Variants in CACNA1C observed in about 807,000 individuals in gnomAD.
CACNA1C encodes voltage-dependent L-type calcium channel subunit alpha-1C.
Under a neutral mutation model 229.0 loss-of-function variants are expected in CACNA1C, and 30 were observed. The ratio of observed to expected loss-of-function variants is 0.13; its 90% confidence interval spans 0.10 to 0.18. CACNA1C has a LOEUF of 0.18. Ranked by LOEUF, CACNA1C falls within the 10% of genes least tolerant of loss-of-function variation. The pLI is 1.00. For synonymous variants in CACNA1C, 1,114 were observed against 1,132.5 expected, an observed-to-expected ratio of 0.98 and a Z score of 0.33; for missense variants, 1,658 against 2,845.0, an observed-to-expected ratio of 0.58 and a Z score of 9.49.
At chr12:2,231,944 T>C (rs191755195) in intron 3 of CACNA1C, among the ~76,000 whole-genome samples, 1 of 152,342 alleles carries the variant, frequency 6.6e-6, no homozygotes, top group East Asian at 1.9e-4. Context: ...TATTTTGAAA[T>C]AATTTTAGGC....
intron 3 of CACNA1C, among the ~76,000 whole-genome samples, chr12:2,276,824 G>A (rs1391962735): frequency 6.6e-6 from 1 of 152,162 alleles, no homozygotes; most frequent in East Asian, 1.9e-4. Context: ...GACGGAGGGT[G>A]GGGTAGCGGG....
intron 30 of CACNA1C, among the ~76,000 whole-genome samples, chr12:2,648,042 G>A (rs1424049236): frequency 1.3e-5 from 2 of 152,172 alleles, no homozygotes; most frequent in Non-Finnish European, 1.5e-5. Context: ...GGAGGCTGAT[G>A]TGGGAGGATC....
At chr12:2,576,518 T>G (rs2058447626) in intron 13 of CACNA1C, among the ~76,000 whole-genome samples, 1 of 152,168 alleles carries the variant, frequency 6.6e-6, no homozygotes, top group Non-Finnish European at 1.5e-5. Flanking sequence ...GCCTTTTTGG[T>G]GTGTGAGCGT....
chr12:2,677,711 C>T lies in CACNA1C; in HGVS notation c.4957-22C>T, dbSNP rs1333475357. The T allele has an allele frequency of 6.2e-7, 1 of 1,609,222 alleles. No individual in the cohort carries two copies. The highest frequency in any genetic ancestry group is 8.5e-7 in the Non-Finnish European group (1 of 1,178,132). ...TGGAGGAAAGGGAGCGTGGTCCTCA[C>T]CATCCTCCCCTTGGATTCCAGGCTG... On this transcript the variant is annotated intron_variant, in intron 40 of 46. Coordinates refer to ENST00000399655, the MANE Select transcript of CACNA1C (RefSeq NM_000719.7). This position sits in a 1 kb window ranked among gnomAD's most constrained non-coding sequence, Gnocchi z 7.4.
chr12:2,084,132 A>G (rs1443466828), intron 1 of CACNA1C, among the ~76,000 whole-genome samples: 1 of 152,206 alleles, frequency 6.6e-6, no homozygotes, highest in Non-Finnish European at 1.5e-5. Context: ...CACATAGTCA[A>G]ATTTGAAAAG....
intron 8 of CACNA1C, among the ~76,000 whole-genome samples, chr12:2,507,707 G>A (rs1447625211): frequency 1.3e-5 from 2 of 152,228 alleles, no homozygotes; most frequent in Non-Finnish European, 2.9e-5. Flanking sequence ...CAGTGAGCTG[G>A]TGCTATTCCT....
At position 2,474,748 on chromosome 12, in the gene CACNA1C, C is replaced by A. The variant is rs538907029; in HGVS notation, c.758-11356C>A. 1.3e-4 allele frequency among the ~76,000 whole-genome samples: 18 copies of A among 134,920 alleles called. 1 individual carries two copies. In the South Asian group the frequency reaches 4.6e-3, roughly 34 times the overall value. 88.5% of individuals were successfully genotyped at this position (134,920 alleles called of 152,430 possible). A position where few individuals can be genotyped will look rare whatever the true frequency, so the allele number is the denominator to read the frequency against. On this transcript the variant is annotated intron_variant, in intron 5 of 46. Transcript: ENST00000399655. Reference sequence around the variant, plus strand: ...TCCAGCCTGGGCAACAACAGCGAAACTCCATCTCAAAAAAAAAAAAAAAAG... The same window carrying A: ...TCCAGCCTGGGCAACAACAGCGAAAATCCATCTCAAAAAAAAAAAAAAAAG...
intron 1 of CACNA1C, among the ~76,000 whole-genome samples, chr12:2,003,031 C>T (rs1486686991): frequency 6.6e-6 from 1 of 152,212 alleles, no homozygotes; most frequent in Non-Finnish European, 1.5e-5. Flanking sequence ...AAGAGCTCTT[C>T]CTGTTCTCCT....
At chr12:2,478,832 G>T (rs1273648806) in intron 5 of CACNA1C, among the ~76,000 whole-genome samples, 1 of 152,130 alleles carries the variant, frequency 6.6e-6, no homozygotes, top group Non-Finnish European at 1.5e-5. Flanking sequence ...AATCAGCAGG[G>T]TGCTTCATAG....
intron 7 of CACNA1C, among the ~76,000 whole-genome samples, chr12:2,499,480 A>G (rs1028908256): frequency 5.9e-5 from 9 of 152,202 alleles, no homozygotes; most frequent in Non-Finnish European, 1.2e-4. Flanking sequence ...GGGCTAGGGA[A>G]GCTTATTCCC....
At chr12:2,117,500 C>G (rs1284726992) in intron 2 of CACNA1C, among the ~76,000 whole-genome samples, 1 of 152,198 alleles carries the variant, frequency 6.6e-6, no homozygotes, top group Non-Finnish European at 1.5e-5. Context: ...AGGTCAGGCA[C>G]CCCTGAGAGA....
chr12:2,441,400 A>G (rs902269697), intron 3 of CACNA1C, among the ~76,000 whole-genome samples: 1 of 152,180 alleles, frequency 6.6e-6, no homozygotes, highest in African/African-American at 2.4e-5. Flanking sequence ...GCTCACAAGG[A>G]GTCTGTGTTC....
chr12:2,332,919 C>T (rs1213343388), intron 3 of CACNA1C, among the ~76,000 whole-genome samples: 3 of 152,278 alleles, frequency 2.0e-5, no homozygotes, highest in Middle Eastern at 3.4e-3. Context: ...CATTTTTTAT[C>T]ATAAGGAAGT....
In CACNA1C at chr12:2,665,209, G is replaced by C. The variant is rs1277282881; in HGVS notation, c.4398+219G>C. 6.6e-6 allele frequency among the ~76,000 whole-genome samples: 1 copy of C among 152,240 alleles called. No individual in the cohort carries two copies. Among genetic ancestry groups the C allele is most frequent in the Non-Finnish European group, 1.5e-5 (1 of 68,038 alleles). ...GCATCTTGCTTGTCTGTTCTTGGCT[G>C]TTGTCATGGTGGCATTGTCCCAGAG... is the stretch of plus-strand genomic sequence containing the variant. On this transcript the variant is annotated intron_variant, in intron 35 of 46. Coordinates refer to ENST00000399655, the MANE Select transcript of CACNA1C (RefSeq NM_000719.7). The surrounding 1 kb of genome is among the most constrained non-coding windows in gnomAD (Gnocchi z 5.9).
At chr12:2,003,416 C>T (rs780054990) in intron 1 of CACNA1C, among the ~76,000 whole-genome samples, 1 of 152,164 alleles carries the variant, frequency 6.6e-6, no homozygotes, top group Non-Finnish European at 1.5e-5. Context: ...GTATGTGATA[C>T]ATAATGGATG....
chr12:2,065,292 A>G (rs1326418285), intron 1 of CACNA1C, among the ~76,000 whole-genome samples: 3 of 152,242 alleles, frequency 2.0e-5, no homozygotes, highest in Non-Finnish European at 4.4e-5. Flanking sequence ...ATTTTGACCT[A>G]TGCCCAGCTG....
At chr12:2,266,841 C>T (rs2082569551) in intron 3 of CACNA1C, among the ~76,000 whole-genome samples, 1 of 152,148 alleles carries the variant, frequency 6.6e-6, no homozygotes, top group African/African-American at 2.4e-5. Context: ...TCCAGTGTTT[C>T]TCTTCAGGCT....
At position 2,108,549 on chromosome 12, in the gene CACNA1C, T is replaced by G. The variant is rs921288547; in HGVS notation, c.50-6675T>G. On this transcript the variant is annotated intron_variant, in intron 1 of 46. Coordinates refer to ENST00000399655, the MANE Select transcript of CACNA1C (RefSeq NM_000719.7). The surrounding 1 kb of genome is among the most constrained non-coding windows in gnomAD (Gnocchi z 5.3). ...TCAGGAATTCTCGCTCCAAGGGAGG[T>G]TGGGAGCCATTGTGTTTAGCCCTCT... Among the ~76,000 whole-genome samples, 1 of 152,136 alleles carries G rather than the reference T, an allele frequency of 6.6e-6. No individual in the cohort carries two copies. The highest frequency in any genetic ancestry group is 1.5e-5 in the Non-Finnish European group (1 of 68,016).
At chr12:2,475,782 T>C (rs1183960036) in intron 5 of CACNA1C, among the ~76,000 whole-genome samples, 1 of 152,190 alleles carries the variant, frequency 6.6e-6, no homozygotes, top group Non-Finnish European at 1.5e-5. Flanking sequence ...TCTGACAGAA[T>C]CGTTATTTTT....
Sources: gnomAD v4.1 joint callset for allele counts (sites outside exome capture counted in the v4.1 genomes callset) on GRCh38, gnomAD v4.1.1 for gene constraint, Gnocchi (gnomAD v3.1) non-coding constraint, MANE v1.5 for transcripts, NCBI Gene and HGNC (gene_info 2026-07-23, HGNC 2026-07-21) for gene names.